EPC2: variants seen among roughly 807,000 people sequenced by gnomAD.
The protein encoded by EPC2 is enhancer of polycomb 2.
EPC2 carries 14 observed loss-of-function variants against 92.1 expected under a neutral mutation model. That is an observed-to-expected ratio of 0.15 (90% CI 0.10 to 0.24). The LOEUF (loss-of-function observed/expected upper bound fraction) is 0.24. Ranked by LOEUF, EPC2 falls within the 10% of genes least tolerant of loss-of-function variation. The pLI, the probability that EPC2 is intolerant of heterozygous loss-of-function variation, is 1.00. For synonymous variants in EPC2, 340 were observed against 334.7 expected, an observed-to-expected ratio of 1.02 and a Z score of -0.17; for missense variants, 755 against 971.5, an observed-to-expected ratio of 0.78 and a Z score of 2.96.
In EPC2 at chr2:148,775,088, CAAAA is replaced by C. The variant is rs67806541; in HGVS notation, c.1720+3714_1720+3717del. Among the ~76,000 whole-genome samples the C allele has an allele frequency of 6.0e-4, 73 of 120,854 alleles. 1 individual carries two copies. In the East Asian group the frequency reaches 0.01, roughly 17 times the overall value. The allele number at this position is 120,854 out of a possible 152,430, so 79.3% of individuals were successfully genotyped here. A position where few individuals can be genotyped will look rare whatever the true frequency, so the allele number is the denominator to read the frequency against. Reference sequence around the variant, plus strand: ...TGGGCAGCAGAGCGAGACTCCCTCTCAAAAAAAAAAAAAAAAGAAAAGAAAAAGA... The same window carrying C: ...TGGGCAGCAGAGCGAGACTCCCTCTCAAAAAAAAAAAAGAAAAGAAAAAGA... On this transcript the variant is annotated intron_variant, in intron 10 of 13. Coordinates refer to ENST00000258484, the MANE Select transcript of EPC2 (RefSeq NM_015630.4).
In EPC2 at chr2:148,743,751, AAGC is replaced by A; in HGVS notation, c.444_446del (p.Lys148_Ala149delinsAsn). 1 of 1,599,846 alleles carries A rather than the reference AAGC, an allele frequency of 6.3e-7. No individual in the cohort carries two copies. Among genetic ancestry groups the A allele is most frequent in the Non-Finnish European group, 8.5e-7 (1 of 1,174,544 alleles). On this transcript the variant is annotated inframe_deletion, in exon 3 of 14. Coordinates refer to ENST00000258484, the MANE Select transcript of EPC2 (RefSeq NM_015630.4). ...GAAATTATGATTGACAGACTTGAAA[AAGC>A]CAGTTCTAATCAGGTACTGTACCAT... is the stretch of plus-strand genomic sequence containing the variant.
At chr2:148,689,376 C>T (rs899498800) in intron 1 of EPC2, among the ~76,000 whole-genome samples, 14 of 152,042 alleles carry the variant, frequency 9.2e-5, no homozygotes, top group Non-Finnish European at 1.8e-4. Flanking sequence ...GTCGGGGTTT[C>T]ACTGTGTTAG....
At chr2:148,751,243 T>C (rs1167020907) in intron 3 of EPC2, among the ~76,000 whole-genome samples, 1 of 152,116 alleles carries the variant, frequency 6.6e-6, no homozygotes, top group East Asian at 1.9e-4. Flanking sequence ...TATAATATAT[T>C]CGTTTATGTA....
At chr2:148,762,448 A>G (rs866023425) in intron 5 of EPC2, among the ~76,000 whole-genome samples, 5 of 152,156 alleles carry the variant, frequency 3.3e-5, no homozygotes, top group Middle Eastern at 6.8e-3. Flanking sequence ...TATATGTAAG[A>G]AATTTGTTTG....
chr2:148,709,933 A>G (rs190554927), intron 2 of EPC2, among the ~76,000 whole-genome samples: 57 of 152,318 alleles, frequency 3.7e-4, no homozygotes, highest in African/African-American at 1.3e-3. Context: ...GGACATAGGC[A>G]TGGACAAGGA....
intron 12 of EPC2, among the ~76,000 whole-genome samples, chr2:148,784,441 T>C (rs186058302): frequency 4.6e-5 from 7 of 152,228 alleles, no homozygotes; most frequent in Non-Finnish European, 1.5e-5. Context: ...CAGAATACTT[T>C]GCAAAGCCGT....
chr2:148,724,033 A>G (rs1401302682), intron 2 of EPC2, among the ~76,000 whole-genome samples: 1 of 152,118 alleles, frequency 6.6e-6, no homozygotes, highest in Non-Finnish European at 1.5e-5. Flanking sequence ...AGTATGGTCA[A>G]TAACTTAGAT....
chr2:148,750,214 A>G (rs1231042461), intron 3 of EPC2, among the ~76,000 whole-genome samples: 1 of 152,146 alleles, frequency 6.6e-6, no homozygotes, highest in Non-Finnish European at 1.5e-5. Context: ...AGAGGAAGAA[A>G]TGAATTGATA....
intron 1 of EPC2, among the ~76,000 whole-genome samples, chr2:148,667,415 G>A (rs896381518): frequency 1.3e-5 from 2 of 152,114 alleles, no homozygotes; most frequent in African/African-American, 2.4e-5. Context: ...TCACTTCAGT[G>A]TCCTGTTGTT....
At chr2:148,681,212 A>G (rs2105366451) in intron 1 of EPC2, among the ~76,000 whole-genome samples, 1 of 152,324 alleles carries the variant, frequency 6.6e-6, no homozygotes, top group South Asian at 2.1e-4. Context: ...CACTTCTGAG[A>G]AGCCTATGCT....
At chr2:148,661,811 C>G (rs1222949340) in intron 1 of EPC2, among the ~76,000 whole-genome samples, 1 of 152,002 alleles carries the variant, frequency 6.6e-6, no homozygotes, top group East Asian at 1.9e-4. Context: ...ATATGATTTT[C>G]CCCTTAGGTG....
chr2:148,728,848 C>T (rs1385829659), intron 2 of EPC2, among the ~76,000 whole-genome samples: 2 of 150,676 alleles, frequency 1.3e-5, no homozygotes, highest in Non-Finnish European at 3.0e-5. Flanking sequence ...CTGGCTAACA[C>T]AGTGAAACCC....
chr2:148,737,247 T>C (rs1399301159), intron 2 of EPC2, among the ~76,000 whole-genome samples: 1 of 152,254 alleles, frequency 6.6e-6, no homozygotes. Context: ...CAATTGGCTT[T>C]ACTTGTTCCA....
rs370246213 is a variant in EPC2, at chr2:148,728,954, C to T, written c.314-14668C>T. Among the ~76,000 whole-genome samples the T allele has an allele frequency of 2.7e-5, 4 of 147,704 alleles. No individual in the cohort carries two copies. The East Asian group carries it at 6.0e-4, about 22-fold the overall frequency. ...GGCTGAGGCAGGAGAATGGTGTGAA[C>T]CCGGGAGGCGGAGTTTGCAGTGAGG... On this transcript the variant is annotated intron_variant, in intron 2 of 13. Coordinates refer to ENST00000258484, the MANE Select transcript of EPC2 (RefSeq NM_015630.4).
At chr2:148,763,663 A>G (rs954488106) in intron 6 of EPC2, among the ~76,000 whole-genome samples, 2 of 152,210 alleles carry the variant, frequency 1.3e-5, no homozygotes, top group Non-Finnish European at 2.9e-5. Context: ...GCTCATGTCA[A>G]TTAAAACACT....
Position 148,776,856 on chromosome 2 carries a change from C to CTCTCTTTTTTTTTTTTTTTTTT in EPC2, c.1721-4787_1721-4786insCTCTTTTTTTTTTTTTTTTTTT, listed in dbSNP as rs1247135854. ...ACATAGCAAGACCCTGTCTCTCTCT[C>CTCTCTTTTTTTTTTTTTTTTTT]TTTTTTTTTTTTTTTTTTTTTTGAG... On this transcript the variant is annotated intron_variant, in intron 10 of 13. Transcript: ENST00000258484. 4.4e-4 allele frequency among the ~76,000 whole-genome samples: 44 copies of CTCTCTTTTTTTTTTTTTTTTTT among 101,026 alleles called. 2 individuals carry two copies. The highest frequency in any genetic ancestry group is 1.6e-3 in the African/African-American group (44 of 27,122). 66.3% of individuals were successfully genotyped at this position (101,026 alleles called of 152,430 possible). A position where few individuals can be genotyped will look rare whatever the true frequency, so the allele number is the denominator to read the frequency against.
At chr2:148,765,904 C>T (rs535240236) in intron 7 of EPC2, among the ~76,000 whole-genome samples, 165 of 152,124 alleles carry the variant, frequency 1.1e-3, no homozygotes, top group African/African-American at 3.8e-3. Context: ...GGTGTGGTGG[C>T]GGGCGCCTGT....
chr2:148,668,833 T>C (rs192099348), intron 1 of EPC2, among the ~76,000 whole-genome samples: 65 of 152,282 alleles, frequency 4.3e-4, no homozygotes, highest in African/African-American at 1.4e-3. Context: ...TCTTAAAGAA[T>C]TAGCTTTTGG....
intron 2 of EPC2, among the ~76,000 whole-genome samples, chr2:148,707,359 A>G (rs932126046): frequency 6.6e-6 from 1 of 152,200 alleles, no homozygotes; most frequent in East Asian, 1.9e-4. Flanking sequence ...AAGTCCTGAG[A>G]GACCTAAAAA....
Sources: gnomAD v4.1 joint callset for allele counts (sites outside exome capture counted in the v4.1 genomes callset) on GRCh38, gnomAD v4.1.1 for gene constraint, MANE v1.5 for transcripts, NCBI Gene and HGNC (gene_info 2026-07-23, HGNC 2026-07-21) for gene names.